The following RCL1 variants were observed in gnomAD, a reference collection of about 807,000 sequenced individuals.
The protein encoded by RCL1 is RNA terminal phosphate cyclase like 1.
In RCL1, 24 loss-of-function variants were observed where a neutral mutation model predicts 42.4. The observed-to-expected ratio is 0.57, with a 90% CI of 0.41 to 0.80. The LOEUF (loss-of-function observed/expected upper bound fraction) is 0.80. Among genes scored for constraint, RCL1 ranks in the 30% least tolerant of loss-of-function variants. The pLI is 0.00. For synonymous variants in RCL1, 228 were observed against 177.3 expected (o/e 1.29, Z -2.27); for missense variants, 578 against 467.9 (o/e 1.24, Z -2.17).
At chr9:4,805,898 T>A (rs1035419623) in intron 1 of RCL1, among the ~76,000 whole-genome samples, 2 of 152,210 alleles carry the variant, frequency 1.3e-5, no homozygotes, top group African/African-American at 4.8e-5. Context: ...ACAAGTACAG[T>A]ACATGTTTTG....
Position 4,849,461 on chromosome 9 carries a change from C to T in RCL1, c.882C>T (p.Asp294=), listed in dbSNP as rs961597442. The change falls in exon 8 of 9, where the codon GAC becomes GAT. Residue 294 remains aspartate (D), a synonymous_variant. Transcript: ENST00000381750. ...LEEIYRGGCV[D]STNQSLALLL... ...TGTGTTTACAGGGTGGATGCGTAGACTCGACCAACCAAAGCCTGGCGCTAC... is the reference window on the plus strand; with the variant it reads ...TGTGTTTACAGGGTGGATGCGTAGATTCGACCAACCAAAGCCTGGCGCTAC... 2.2e-5 allele frequency: 36 copies of T among 1,613,614 alleles called. No individual in the cohort carries two copies. Among genetic ancestry groups the T allele is most frequent in the Non-Finnish European group, 2.8e-5 (33 of 1,179,772 alleles).
chr9:4,800,842 C>T (rs915715615), intron 1 of RCL1, among the ~76,000 whole-genome samples: 2 of 151,768 alleles, frequency 1.3e-5, no homozygotes, highest in African/African-American at 4.8e-5. Context: ...TTGGTAGAGA[C>T]GGGGTTTCAC....
At chr9:4,839,811 C>T in intron 5 of RCL1, 1 of 975,594 alleles carries the variant, frequency 1.0e-6, no homozygotes, top group Non-Finnish European at 1.2e-6. Context: ...AGTGTGTGGT[C>T]TCATTGAAGA....
chr9:4,813,063 G>C (rs1816236182), intron 1 of RCL1, among the ~76,000 whole-genome samples: 1 of 152,070 alleles, frequency 6.6e-6, no homozygotes, highest in Non-Finnish European at 1.5e-5. Context: ...CTTTATTTCT[G>C]TGTCTTGCCT....
rs771220798 is a variant in RCL1, at chr9:4,823,561, C to G, written c.150C>G (p.Ser50Arg). The change falls in exon 2 of 9, where the codon AGC (serine) becomes AGG (arginine). Residue 50 changes from serine to arginine, a missense_variant. Coordinates refer to ENST00000381750, the MANE Select transcript of RCL1 (RefSeq NM_005772.5). Reference protein sequence around the residue: ...DNPGLRDFEASFIRLLDKITN... With the variant: ...DNPGLRDFEARFIRLLDKITN... ...TTTTCTTCACAGATTTTGAAGCCAGCTTCATAAGGCTATTGGACAAAATAA... is the reference window on the plus strand; with the variant it reads ...TTTTCTTCACAGATTTTGAAGCCAGGTTCATAAGGCTATTGGACAAAATAA... The G allele has an allele frequency of 6.2e-7, 1 of 1,610,268 alleles. No homozygotes were observed. Among genetic ancestry groups the G allele is most frequent in the African/African-American group, 1.3e-5 (1 of 74,542 alleles).
Position 4,834,219 on chromosome 9 carries a change from A to G in RCL1, c.538A>G (p.Ile180Val), listed in dbSNP as rs770352145. ...SCPVRKVLKP[I>V]QLTDPGKIKR... ...TCCTGTGAGGAAGGTCTTGAAGCCC[A>G]TTCAACTCACAGATCCAGGAAAAAT... is the stretch of plus-strand genomic sequence containing the variant. Residue 180 changes from isoleucine to valine, a missense_variant, in exon 5 of 9, where the codon ATT becomes GTT. By Grantham distance (29) the Ile-to-Val change is conservative. Coordinates refer to ENST00000381750, the MANE Select transcript of RCL1 (RefSeq NM_005772.5). 3 of 1,613,490 alleles carry G rather than the reference A, an allele frequency of 1.9e-6. No homozygotes were observed. The highest frequency in any genetic ancestry group is 2.2e-5 in the East Asian group (1 of 44,870).
intron 3 of RCL1, among the ~76,000 whole-genome samples, chr9:4,827,694 T>C (rs1232845525): frequency 1.3e-5 from 2 of 151,838 alleles, no homozygotes; most frequent in Non-Finnish European, 1.5e-5. Flanking sequence ...AAACTTTTTA[T>C]TGTGATCACA....
At chr9:4,812,008 C>T (rs1295736425) in intron 1 of RCL1, among the ~76,000 whole-genome samples, 2 of 152,098 alleles carry the variant, frequency 1.3e-5, no homozygotes, top group Non-Finnish European at 2.9e-5. Flanking sequence ...TGAGGGATGT[C>T]TATTCAGCTT....
intron 1 of RCL1, among the ~76,000 whole-genome samples, chr9:4,798,221 T>C (rs1265070046): frequency 1.3e-5 from 2 of 152,246 alleles, no homozygotes; most frequent in Admixed American, 1.3e-4. Flanking sequence ...AAAGTGCCTC[T>C]ATCTCTGGAT....
chr9:4,836,876 TC>T (rs1223819714), intron 5 of RCL1: 1 of 152,204 alleles, frequency 6.6e-6, no homozygotes, highest in Non-Finnish European at 1.5e-5. Context: ...TTTTTAAGGA[TC>T]ATCAAAACCA....
At chr9:4,810,866 A>G (rs1033081543) in intron 1 of RCL1, among the ~76,000 whole-genome samples, 2 of 152,200 alleles carry the variant, frequency 1.3e-5, no homozygotes, top group Non-Finnish European at 1.5e-5. Flanking sequence ...TTACCCTGTG[A>G]CTAATGAGAC....
At chr9:4,831,038 A>G (rs1816925969) in intron 3 of RCL1, among the ~76,000 whole-genome samples, 1 of 152,066 alleles carries the variant, frequency 6.6e-6, no homozygotes, top group African/African-American at 2.4e-5. Context: ...TCATTTTACG[A>G]AGGAGGAAAC....
intron 1 of RCL1, among the ~76,000 whole-genome samples, chr9:4,805,295 A>C (rs1366845568): frequency 1.3e-5 from 2 of 152,168 alleles, no homozygotes; most frequent in Non-Finnish European, 2.9e-5. Flanking sequence ...AGGCTGAGGC[A>C]GGAGGATCAC....
chr9:4,851,867 G>A (rs12341473), intron 8 of RCL1, among the ~76,000 whole-genome samples: 4,377 of 146,110 alleles, frequency 0.03, 205 homozygotes, highest in African/African-American at 0.1. Flanking sequence ...GAGAAAGTAA[G>A]TCTGTATGTG....
At chr9:4,816,856 G>A (rs537894088) in intron 1 of RCL1, among the ~76,000 whole-genome samples, 3 of 152,036 alleles carry the variant, frequency 2.0e-5, no homozygotes, top group East Asian at 1.9e-4. Context: ...TCGCTCTGTC[G>A]TCCAGGCCGG....
At chr9:4,805,618 C>G (rs1393797301) in intron 1 of RCL1, among the ~76,000 whole-genome samples, 1 of 152,170 alleles carries the variant, frequency 6.6e-6, no homozygotes, top group Non-Finnish European at 1.5e-5. Context: ...CTCATCAGTT[C>G]CCTCATGCTA....
chr9:4,846,307 C>T (rs923619856), intron 7 of RCL1, among the ~76,000 whole-genome samples: 1 of 152,168 alleles, frequency 6.6e-6, no homozygotes, highest in Non-Finnish European at 1.5e-5. Context: ...AGGAGAGTAG[C>T]TCCAGCCCCT....
At chr9:4,822,868 A>G (rs1036242519) in intron 1 of RCL1, among the ~76,000 whole-genome samples, 5 of 152,156 alleles carry the variant, frequency 3.3e-5, no homozygotes, top group Non-Finnish European at 5.9e-5. Context: ...ATAAAATCCA[A>G]TCATTAAGAT....
At chr9:4,855,691 A>G (rs1192411127) in intron 8 of RCL1, among the ~76,000 whole-genome samples, 1 of 151,998 alleles carries the variant, frequency 6.6e-6, no homozygotes, top group East Asian at 1.9e-4. Flanking sequence ...GCTGCCAGAG[A>G]CATAGGGAGA....
Sources: gnomAD v4.1 joint callset for allele counts (sites outside exome capture counted in the v4.1 genomes callset) on GRCh38, gnomAD v4.1.1 for gene constraint, MANE v1.5 for transcripts, NCBI Gene and HGNC (gene_info 2026-07-23, HGNC 2026-07-21) for gene names.